Variants in TAL1 observed in about 807,000 individuals in gnomAD.
TAL1 encodes the protein TAL bHLH transcription factor 1, erythroid differentiation factor.
TAL1 carries 8 observed loss-of-function variants against 17.9 expected under a neutral mutation model. The ratio of observed to expected loss-of-function variants is 0.45; its 90% CI spans 0.26 to 0.81. TAL1 has a LOEUF of 0.81. Among genes scored for constraint, TAL1 ranks in the 30% least tolerant of loss-of-function variants. The pLI, the probability that TAL1 is intolerant of heterozygous loss-of-function variation, is 0.17. For missense variants in TAL1, 466 were observed against 486.9 expected, an observed-to-expected ratio of 0.96 and a Z score of 0.40; for synonymous variants, 223 against 218.6, an observed-to-expected ratio of 1.02 and a Z score of -0.18.
chr1:47,219,228 C>G, exon 4 of TAL1: 1 of 442,798 alleles, frequency 2.3e-6, no homozygotes, highest in Non-Finnish European at 4.3e-6. Flanking sequence ...CAACATAGGC[C>G]TGGGTGAAGA....
intron 3 of TAL1, among the ~76,000 whole-genome samples, chr1:47,221,549 A>G (rs927261244): frequency 6.6e-6 from 1 of 152,148 alleles, no homozygotes. Context: ...GGCTGAGGAG[A>G]CTGCTTCTCT....
chr1:47,216,959 T>C (rs1326816159), exon 4 of TAL1: 1 of 232,276 alleles, frequency 4.3e-6, no homozygotes, highest in East Asian at 6.1e-5. Flanking sequence ...TACAAAGACC[T>C]AAAGACTTGC....
At chr1:47,223,772 T>C (rs191838490) in intron 3 of TAL1, among the ~76,000 whole-genome samples, 1 of 152,254 alleles carries the variant, frequency 6.6e-6, no homozygotes, top group Admixed American at 6.5e-5. Flanking sequence ...ATTATGTGTC[T>C]CTCTCCCATG....
At chr1:47,224,424 ACAC>A (rs2148590146) in intron 2 of TAL1, among the ~76,000 whole-genome samples, 1 of 151,254 alleles carries the variant, frequency 6.6e-6, no homozygotes, top group South Asian at 2.1e-4. Context: ...ACACACACAC[ACAC>A]ACTTCACAGA....
exon 3 of TAL1, chr1:47,224,061 T>G: frequency 6.2e-7 from 1 of 1,613,662 alleles, no homozygotes; most frequent in East Asian, 2.2e-5. Context: ...TTGTTGGTGG[T>G]GAACATAGGG....
chr1:47,222,801 T>A (rs181105881), intron 3 of TAL1, among the ~76,000 whole-genome samples: 1 of 152,258 alleles, frequency 6.6e-6, no homozygotes, highest in African/African-American at 2.4e-5. Context: ...GGATAATGAC[T>A]GCCCTACACT....
intron 3 of TAL1, among the ~76,000 whole-genome samples, chr1:47,220,638 G>A (rs1643770548): frequency 6.6e-6 from 1 of 152,202 alleles, no homozygotes; most frequent in Non-Finnish European, 1.5e-5. Context: ...CCTGCAAAAT[G>A]GAGGTAATAC....
chr1:47,219,725 G>C (rs778116882), exon 4 of TAL1: 3 of 1,609,300 alleles, frequency 1.9e-6, no homozygotes, highest in Non-Finnish European at 2.5e-6. Context: ...ACCCATCACC[G>C]AGGGCCGGCT....
chr1:47,219,894 G>GCCC, exon 4 of TAL1: 4 of 1,556,016 alleles, frequency 2.6e-6, no homozygotes, highest in Non-Finnish European at 3.5e-6. Flanking sequence ...CTGGGGGCGC[G>GCCC]CCGCCCCCTC....
At chr1:47,228,287 C>T (rs1473338776) in intron 1 of TAL1, 1 of 175,390 alleles carries the variant, frequency 5.7e-6, no homozygotes, top group African/African-American at 2.4e-5. Flanking sequence ...CTCACAAACA[C>T]TGATGGTTGT....
At chr1:47,217,959 C>A (rs1645532252) in exon 4 of TAL1, 3 of 393,290 alleles carry the variant, frequency 7.6e-6, no homozygotes, top group Non-Finnish European at 1.3e-5. Flanking sequence ...CAAAGGTGAA[C>A]AATGTTGCCC....
chr1:47,224,725 C>T (rs1039842894), intron 2 of TAL1, among the ~76,000 whole-genome samples: 2 of 152,228 alleles, frequency 1.3e-5, no homozygotes, highest in Non-Finnish European at 2.9e-5. Flanking sequence ...GGGTGCCCGC[C>T]AGGTTCATTG....
intron 2 of TAL1, 115 bp downstream of exon 3, chr1:47,225,328 T>A: frequency 4.0e-6 from 4 of 1,010,284 alleles, no homozygotes; most frequent in Non-Finnish European, 3.8e-6. Flanking sequence ...CTCCCTGCGC[T>A]CCACCCGCTC....
At chr1:47,225,803 G>A in exon 2 of TAL1, 4 of 1,570,222 alleles carry the variant, frequency 2.5e-6, no homozygotes, top group Non-Finnish European at 3.4e-6. Flanking sequence ...GACCAGGTGC[G>A]GGGGGGCCAT....
exon 4 of TAL1, chr1:47,218,930 T>A (rs1329421753): frequency 3.9e-6 from 1 of 255,108 alleles, no homozygotes; most frequent in Non-Finnish European, 7.7e-6. Context: ...TCTTGCTCCA[T>A]ATCACTCTAC....
At chr1:47,219,742 G>T (rs1358858442) in exon 4 of TAL1, 24 of 1,610,188 alleles carry the variant, frequency 1.5e-5, no homozygotes, top group Non-Finnish European at 2.0e-5. Context: ...GGCTCCATCG[G>T]CGGCAGGCAG....
At chr1:47,216,505 G>A (rs527353112) in exon 4 of TAL1, 61 of 230,516 alleles carry the variant, frequency 2.6e-4, no homozygotes, top group African/African-American at 9.7e-4. Context: ...CAACGTTGAC[G>A]GAAAGTGCTG....
In TAL1 at chr1:47,225,496, G is replaced by T. The variant is rs1643893081; in HGVS notation, c.393C>A (p.Ala131=). The T allele has an allele frequency of 4.9e-6, 6 of 1,235,558 alleles. No individual in the cohort carries two copies. In the East Asian group the frequency reaches 1.6e-4, roughly 33 times the overall value. The allele number at this position is 1,235,558 out of a possible 1,614,324, so 76.5% of individuals were successfully genotyped here. Residue 131 remains alanine (A), a synonymous_variant, in exon 2 of 4, where the codon GCC becomes GCA. Coordinates refer to ENST00000294339, the Ensembl canonical transcript of TAL1. ...GGCTGTAGAGCAGCGCGCGGCCGGG[G>T]GCGGCGGGGGCAGCCAGCGCGGGAG... is the stretch of plus-strand genomic sequence containing the variant.
chr1:47,230,740 G>T (rs1256042376), upstream of TAL1: 1 of 152,226 alleles, frequency 6.6e-6, no homozygotes, highest in Non-Finnish European at 1.5e-5. Flanking sequence ...TAAAATAGAT[G>T]TTAATGATGA....
Sources: allele counts gnomAD v4.1 joint callset (sites outside exome capture counted in the v4.1 genomes callset), GRCh38; gene constraint gnomAD v4.1.1; transcripts MANE v1.5; gene names NCBI Gene and HGNC (gene_info 2026-07-23, HGNC 2026-07-21).